The following TIMD4 variants were observed in gnomAD, a reference collection of about 807,000 sequenced individuals.
TIMD4 encodes T-cell immunoglobulin and mucin domain-containing protein 4.
A neutral mutation model predicts 41.2 loss-of-function variants in TIMD4; 31 were observed. The ratio of observed to expected loss-of-function variants is 0.75; its 90% CI spans 0.57 to 1.01. The LOEUF (loss-of-function observed/expected upper bound fraction) is 1.01. Among genes scored for constraint, TIMD4 ranks in the 50% least tolerant of loss-of-function variants. TIMD4 has a pLI of 0.00. For synonymous variants in TIMD4, 204 were observed against 177.1 expected (o/e 1.15, Z -1.21); for missense variants, 479 against 472.5 (o/e 1.01, Z -0.13).
chr5:156,941,482 G>A (rs1380100154), intron 5 of TIMD4, among the ~76,000 whole-genome samples: 1 of 152,186 alleles, frequency 6.6e-6, no homozygotes, highest in Non-Finnish European at 1.5e-5. Context: ...CATCATGCTT[G>A]TATTACATTT....
intron 5 of TIMD4, among the ~76,000 whole-genome samples, chr5:156,932,140 C>T (rs958792691): frequency 6.6e-6 from 1 of 152,186 alleles, no homozygotes; most frequent in African/African-American, 2.4e-5. Context: ...AGACTAAATA[C>T]ACCTGCTTTC....
At chr5:156,961,823 A>G (rs1037124709) in intron 1 of TIMD4, among the ~76,000 whole-genome samples, 64 of 144,724 alleles carry the variant, frequency 4.4e-4, no homozygotes, top group African/African-American at 1.6e-3. Flanking sequence ...AAAAAAAAAA[A>G]AAAAAAAAAA....
chr5:156,937,898 C>T (rs917167619), intron 5 of TIMD4, among the ~76,000 whole-genome samples: 2 of 152,212 alleles, frequency 1.3e-5, no homozygotes, highest in African/African-American at 2.4e-5. Context: ...TCTGTTAATA[C>T]CTCATGAAAG....
intron 5 of TIMD4, among the ~76,000 whole-genome samples, chr5:156,933,610 C>A (rs1023429123): frequency 3.3e-5 from 5 of 151,584 alleles, no homozygotes; most frequent in Middle Eastern, 3.4e-3. Context: ...CTCTGTCTCC[C>A]AGACTGGAGT....
At chr5:156,950,473 G>T (rs1759832149) in intron 3 of TIMD4, among the ~76,000 whole-genome samples, 1 of 152,176 alleles carries the variant, frequency 6.6e-6, no homozygotes, top group Non-Finnish European at 1.5e-5. Flanking sequence ...GAGTATAATA[G>T]AATTAGCCAA....
chr5:156,926,955 T>C (rs1375206038), intron 5 of TIMD4, among the ~76,000 whole-genome samples: 1 of 152,202 alleles, frequency 6.6e-6, no homozygotes, highest in Non-Finnish European at 1.5e-5. Flanking sequence ...ACTGAGAATC[T>C]ACCAAATGCT....
chr5:156,934,225 A>G (rs1178239388), intron 5 of TIMD4, among the ~76,000 whole-genome samples: 1 of 152,200 alleles, frequency 6.6e-6, no homozygotes, highest in Non-Finnish European at 1.5e-5. Context: ...AGGCACAGTT[A>G]TAAGCACTTT....
At chr5:156,944,231 C>T (rs1234915973) in intron 5 of TIMD4, among the ~76,000 whole-genome samples, 2 of 152,094 alleles carry the variant, frequency 1.3e-5, no homozygotes, top group Non-Finnish European at 2.9e-5. Context: ...TCTGTTTGTG[C>T]TTGTACTTGT....
intron 5 of TIMD4, among the ~76,000 whole-genome samples, chr5:156,942,995 G>A (rs1412907020): frequency 6.6e-6 from 1 of 152,176 alleles, no homozygotes; most frequent in Non-Finnish European, 1.5e-5. Flanking sequence ...TTACTACTAT[G>A]AGATTGTAAA....
intron 1 of TIMD4, among the ~76,000 whole-genome samples, chr5:156,958,833 C>G (rs1760029433): frequency 6.6e-6 from 1 of 152,060 alleles, no homozygotes; most frequent in Non-Finnish European, 1.5e-5. Flanking sequence ...ATATTTATTC[C>G]ATGGAATTCT....
intron 1 of TIMD4, among the ~76,000 whole-genome samples, chr5:156,957,373 C>T (rs1335887002): frequency 6.6e-6 from 1 of 151,816 alleles, no homozygotes; most frequent in Non-Finnish European, 1.5e-5. Flanking sequence ...ATTAGCTGGG[C>T]ATGATGGTGG....
chr5:156,945,893 G>GATTTCTTTTAATA (rs1759729908), intron 5 of TIMD4, among the ~76,000 whole-genome samples: 1 of 152,130 alleles, frequency 6.6e-6, no homozygotes, highest in Non-Finnish European at 1.5e-5. Flanking sequence ...AAATGAAGTG[G>GATTTCTTTTAATA]CCCAGGAAGA....
At chr5:156,953,575 A>T (rs1296159301) in intron 2 of TIMD4, among the ~76,000 whole-genome samples, 2 of 147,894 alleles carry the variant, frequency 1.4e-5, no homozygotes, top group Non-Finnish European at 3.0e-5. Context: ...GAATCGCTTG[A>T]ACCGGGAAGT....
intron 5 of TIMD4, among the ~76,000 whole-genome samples, chr5:156,926,915 T>C (rs1460493530): frequency 2.6e-5 from 4 of 152,180 alleles, no homozygotes; most frequent in African/African-American, 9.7e-5. Context: ...CATGTATTCA[T>C]AATCTATAGT....
Position 156,922,231 on chromosome 5 carries a change from G to T in TIMD4, c.895-15C>A. On this transcript the variant is annotated splice_polypyrimidine_tract_variant and intron_variant, in intron 6 of 8. Coordinates refer to ENST00000274532, the MANE Select transcript of TIMD4 (RefSeq NM_138379.3). ...ATTCCATCCATCTGATGGGACACAG[G>T]CAAGGAGATGGACCCAGTCACTGCT... The T allele has an allele frequency of 6.3e-7, 1 of 1,594,524 alleles. No individual in the cohort carries two copies. Among genetic ancestry groups the T allele is most frequent in the Non-Finnish European group, 8.6e-7 (1 of 1,162,498 alleles).
Position 156,931,508 on chromosome 5 carries a change from C to T in TIMD4, c.845-5196G>A, listed in dbSNP as rs536323911. On this transcript the variant is annotated intron_variant, in intron 5 of 8. Transcript: ENST00000274532. ...AACAAAACAATCTTAACATTAACTCCACTTTTCCTGGGTCCATGGATTCAC... is the reference window on the plus strand; with the variant it reads ...AACAAAACAATCTTAACATTAACTCTACTTTTCCTGGGTCCATGGATTCAC... 3.9e-5 allele frequency among the ~76,000 whole-genome samples: 6 copies of T among 152,256 alleles called. No individual in the cohort carries two copies. In the South Asian group the frequency reaches 6.2e-4, roughly 16 times the overall value.
intron 1 of TIMD4, among the ~76,000 whole-genome samples, chr5:156,962,189 G>T (rs1753078859): frequency 6.6e-6 from 1 of 152,144 alleles, no homozygotes; most frequent in African/African-American, 2.4e-5. Flanking sequence ...AAGTCCTAGT[G>T]TTTGATAGCA....
intron 1 of TIMD4, among the ~76,000 whole-genome samples, chr5:156,955,898 G>T (rs1204170314): frequency 6.6e-6 from 1 of 152,138 alleles, no homozygotes; most frequent in Non-Finnish European, 1.5e-5. Context: ...GTGATGTTCT[G>T]ATATACATAT....
chr5:156,935,936 C>T (rs1263014803), intron 5 of TIMD4, among the ~76,000 whole-genome samples: 1 of 152,216 alleles, frequency 6.6e-6, no homozygotes, highest in African/African-American at 2.4e-5. Flanking sequence ...CCCACATTAG[C>T]TGATCAATAA....
Sources: gnomAD v4.1 joint callset for allele counts (sites outside exome capture counted in the v4.1 genomes callset) on GRCh38, gnomAD v4.1.1 for gene constraint, MANE v1.5 for transcripts, NCBI Gene and HGNC (gene_info 2026-07-23, HGNC 2026-07-21) for gene names.